The following OPHN1 variants were observed in gnomAD, a reference collection of about 807,000 sequenced individuals.
OPHN1 encodes the protein oligophrenin-1.
A neutral mutation model predicts 60.7 loss-of-function variants in OPHN1; 11 were observed. The ratio of observed to expected loss-of-function variants is 0.18; its 90% CI spans 0.11 to 0.30. OPHN1 has a LOEUF of 0.30. Among genes scored for constraint, OPHN1 ranks in the 10% least tolerant of loss-of-function variants. The pLI is 1.00. For synonymous variants in OPHN1, 226 were observed against 222.6 expected (o/e 1.02, Z -0.14); for missense variants, 449 against 611.0 (o/e 0.73, Z 2.80).
chrX:68,138,916 A>C (rs5919530), intron 15 of OPHN1, among the ~76,000 whole-genome samples: 52,206 of 110,836 alleles, frequency 0.47, 10,567 homozygotes, highest in South Asian at 0.71. Context: ...AAACAAATGA[A>C]AAATAACCAG....
At chrX:68,419,822 G>A (rs995907124) in intron 2 of OPHN1, among the ~76,000 whole-genome samples, 1 of 111,661 alleles carries the variant, frequency 9.0e-6, no homozygotes, top group Non-Finnish European at 1.9e-5. Flanking sequence ...TATTATGGAC[G>A]TGAGCCACCA....
At chrX:68,170,553 C>G (rs2147419497) in intron 15 of OPHN1, among the ~76,000 whole-genome samples, 1 of 110,057 alleles carries the variant, frequency 9.1e-6, no homozygotes, top group East Asian at 2.9e-4. Flanking sequence ...CAATGATAGA[C>G]TGGATTAAGG....
chrX:68,415,591 T>C (rs753534945), intron 2 of OPHN1, among the ~76,000 whole-genome samples: 5 of 111,993 alleles, frequency 4.5e-5, no homozygotes, highest in Admixed American at 3.8e-4. Context: ...TTCCCAACTG[T>C]GTCAAAGAGA....
At chrX:68,216,990 T>C (rs1209837904) in intron 6 of OPHN1, among the ~76,000 whole-genome samples, 1 of 111,467 alleles carries the variant, frequency 9.0e-6, no homozygotes, top group South Asian at 3.8e-4. Flanking sequence ...AGAAGACGGG[T>C]GACTTCTGCA....
At chrX:68,297,640 A>C in intron 3 of OPHN1, among the ~76,000 whole-genome samples, 1 of 111,782 alleles carries the variant, frequency 8.9e-6, no homozygotes, top group East Asian at 2.8e-4. Flanking sequence ...TAGCTCTCAT[A>C]ATAATGAAAT....
At chrX:68,118,978 G>A (rs780940268) in intron 16 of OPHN1, among the ~76,000 whole-genome samples, 19 of 111,907 alleles carry the variant, frequency 1.7e-4, no homozygotes, top group Non-Finnish European at 3.8e-5. Context: ...AGAGCAAAAC[G>A]TATTCAATTA....
intron 5 of OPHN1, among the ~76,000 whole-genome samples, chrX:68,253,837 C>T (rs950927432): frequency 2.7e-5 from 3 of 111,361 alleles, no homozygotes; most frequent in East Asian, 5.7e-4. Flanking sequence ...CAGTCTTGCC[C>T]GTAGATCAGA....
At chrX:68,157,687 T>C (rs893747759) in intron 15 of OPHN1, among the ~76,000 whole-genome samples, 7 of 103,514 alleles carry the variant, frequency 6.8e-5, no homozygotes, top group African/African-American at 2.4e-4. Flanking sequence ...ACCCCCTGTA[T>C]CTAAAATAAA....
chrX:68,343,274 C>CA (rs368144274), intron 2 of OPHN1, among the ~76,000 whole-genome samples: 17,677 of 62,466 alleles, frequency 0.28, 2,344 homozygotes, highest in African/African-American at 0.44. Context: ...AGCTCTGTCT[C>CA]AAAAAAAAAA....
chrX:68,395,461 T>TC (rs1385230638), intron 2 of OPHN1, among the ~76,000 whole-genome samples: 5 of 107,584 alleles, frequency 4.6e-5, no homozygotes, highest in African/African-American at 1.7e-4. Flanking sequence ...TTTTTTTTTT[T>TC]CTGGAGATGG....
chrX:68,357,067 C>T (rs773304094), intron 2 of OPHN1, among the ~76,000 whole-genome samples: 60 of 110,923 alleles, frequency 5.4e-4, no homozygotes, highest in Non-Finnish European at 1.1e-3. Flanking sequence ...TGGTGATGGT[C>T]GCAAAACTCT....
At position 68,319,512 on chromosome X, in the gene OPHN1, G is replaced by A. The variant is rs1463461650; in HGVS notation, c.155-20416C>T. Among the ~76,000 whole-genome samples the A allele has an allele frequency of 5.4e-5, 6 of 111,015 alleles. No individual in the cohort carries two copies. In the Admixed American group the frequency reaches 5.8e-4, roughly 11 times the overall value. Reference sequence around the variant, plus strand: ...GCACTTTGGGAGGCCGAGGCAGGTGGATCACTTGAGCACAGGAGTTCAAGA... The same window carrying A: ...GCACTTTGGGAGGCCGAGGCAGGTGAATCACTTGAGCACAGGAGTTCAAGA... On this transcript the variant is annotated intron_variant, in intron 2 of 24. Coordinates refer to ENST00000355520, the MANE Select transcript of OPHN1 (RefSeq NM_002547.3).
At chrX:68,296,039 A>G (rs1259380480) in intron 3 of OPHN1, among the ~76,000 whole-genome samples, 1 of 111,331 alleles carries the variant, frequency 9.0e-6, no homozygotes, top group Non-Finnish European at 1.9e-5. Flanking sequence ...CTTCCAAAGC[A>G]ACTGCTCTTT....
At chrX:68,295,678 G>C (rs1263692534) in intron 3 of OPHN1, among the ~76,000 whole-genome samples, 1 of 112,217 alleles carries the variant, frequency 8.9e-6, no homozygotes, top group African/African-American at 3.2e-5. Context: ...ATGACACATG[G>C]CCTCCCACTT....
At chrX:68,267,476 C>A (rs988574799) in intron 5 of OPHN1, among the ~76,000 whole-genome samples, 1 of 111,951 alleles carries the variant, frequency 8.9e-6, no homozygotes, top group Non-Finnish European at 1.9e-5. Flanking sequence ...TTCTTTGAAA[C>A]CAATGAGAAC....
chrX:68,227,423 G>T (rs1441947806), intron 6 of OPHN1, among the ~76,000 whole-genome samples: 1 of 111,206 alleles, frequency 9.0e-6, no homozygotes, highest in Non-Finnish European at 1.9e-5. Context: ...GACATCTACA[G>T]AACTCTCCAC....
intron 15 of OPHN1, chrX:68,132,844 G>A (rs1333346065): frequency 7.9e-6 from 2 of 253,652 alleles, no homozygotes. Context: ...GTCCGCTCCC[G>A]GTCCCTGGCC....
chrX:68,238,743 G>A (rs1321045291), intron 5 of OPHN1, among the ~76,000 whole-genome samples: 1 of 111,243 alleles, frequency 9.0e-6, no homozygotes, highest in Non-Finnish European at 1.9e-5. Flanking sequence ...CTTCTTCGGT[G>A]CCCCTCTGCT....
chrX:68,073,318 G>C lies in OPHN1; in HGVS notation c.1687-19C>G. The C allele has an allele frequency of 8.5e-7, 1 of 1,180,236 alleles. No individual in the cohort carries two copies. The highest frequency in any genetic ancestry group is 1.1e-6 in the Non-Finnish European group (1 of 876,822). ...AATAGATCTGTGGAGAAAGAAGGAA[G>C]ATATCTAGAGAATAATTAGATCAAG... On this transcript the variant is annotated intron_variant, in intron 19 of 24. Transcript: ENST00000355520.
Sources: gnomAD v4.1 joint callset for allele counts (sites outside exome capture counted in the v4.1 genomes callset) on GRCh38, gnomAD v4.1.1 for gene constraint, MANE v1.5 for transcripts, NCBI Gene and HGNC (gene_info 2026-07-23, HGNC 2026-07-21) for gene names.